The following EXOSC10 variants were observed in gnomAD, a reference collection of about 807,000 sequenced individuals.
EXOSC10 encodes exosome component 10, also known as exosome complex component 10.
A neutral mutation model predicts 126.6 loss-of-function variants in EXOSC10; 94 were observed. The ratio of observed to expected loss-of-function variants is 0.74; its 90% CI spans 0.63 to 0.88. EXOSC10 has a LOEUF of 0.88. EXOSC10 is among the 40% of genes least tolerant of loss of function. The pLI, the probability that EXOSC10 is intolerant of heterozygous loss-of-function variation, is 0.00. For synonymous variants in EXOSC10, 395 were observed against 400.8 expected (o/e 0.99, Z 0.17); for missense variants, 1,041 against 1,100.5 (o/e 0.95, Z 0.77).
chr1:11,077,286 C>T (rs1003263558), intron 16 of EXOSC10, 79 bp downstream of exon 16: 29 of 1,465,202 alleles, frequency 2.0e-5, no homozygotes, highest in East Asian at 1.1e-4. Flanking sequence ...CCACCACGCC[C>T]GGCCAAGCCT....
Position 11,087,481 on chromosome 1 carries a change from G to T in EXOSC10, c.1056C>A (p.Leu352=). Residue 352 remains leucine, a synonymous_variant, in exon 9 of 25, where the codon CTC becomes CTA. Coordinates refer to ENST00000376936, the MANE Select transcript of EXOSC10 (RefSeq NM_001001998.3). ...TGGCTGGGTCTGTGAGGCTCTCATT[G>T]AGAATGTACATGTCACTTCGAAGCT... ...TLELRSDMYI[L]NESLTDPAIV... The T allele has an allele frequency of 6.2e-7, 1 of 1,614,076 alleles. No homozygotes were observed. The highest frequency in any genetic ancestry group is 1.1e-5 in the South Asian group (1 of 91,082).
At chr1:11,076,503 C>G (rs1247598225) in intron 17 of EXOSC10, among the ~76,000 whole-genome samples, 1 of 152,174 alleles carries the variant, frequency 6.6e-6, no homozygotes, top group Non-Finnish European at 1.5e-5. Context: ...TTTCCTCCAC[C>G]ACCACTGCAG....
At chr1:11,069,754 G>A in intron 21 of EXOSC10, 24 bp from the exon 22 acceptor site, 3 of 1,610,434 alleles carry the variant, frequency 1.9e-6, no homozygotes, top group Non-Finnish European at 2.5e-6. Context: ...ACAGATGTGG[G>A]GGAGGAACAG....
chr1:11,082,395 A>C, intron 10 of EXOSC10: 6 of 475,896 alleles, frequency 1.3e-5, no homozygotes, highest in South Asian at 8.1e-5. Flanking sequence ...ATCTGGTAGA[A>C]AGATCCCAGT....
At chr1:11,089,638 A>G (rs1185727152) in intron 6 of EXOSC10, among the ~76,000 whole-genome samples, 2 of 147,396 alleles carry the variant, frequency 1.4e-5, no homozygotes, top group African/African-American at 2.6e-5. Flanking sequence ...AAAAAAAAAG[A>G]AAGAAAGAAA....
chr1:11,070,638 A>ATACCT, intron 21 of EXOSC10: 2 of 439,548 alleles, frequency 4.6e-6, no homozygotes, highest in Non-Finnish European at 4.0e-6. Context: ...TGTAACCTCA[A>ATACCT]TACCTTTTCT....
intron 19 of EXOSC10, chr1:11,072,561 GTTTC>G (rs749327768): frequency 3.9e-5 from 7 of 177,852 alleles, no homozygotes; most frequent in African/African-American, 7.1e-5. Context: ...AGTCTGCTGT[GTTTC>G]TTTATGACAC....
chr1:11,069,244 T>TGTGTGTGTGTGTGAGAGAGAGAGAGAGA lies in EXOSC10; in HGVS notation c.2488+314_2488+315insTCTCTCTCTCTCTCTCACACACACACAC. 7.8e-3 allele frequency among the ~76,000 whole-genome samples: 905 copies of TGTGTGTGTGTGTGAGAGAGAGAGAGAGA among 116,742 alleles called. 19 individuals are homozygous for TGTGTGTGTGTGTGAGAGAGAGAGAGAGA. The highest frequency in any genetic ancestry group is 0.046 in the South Asian group (149 of 3,214). 76.6% of individuals were successfully genotyped at this position (116,742 alleles called of 152,430 possible). ...ACAAAATTCTGTGTGTGTGTGTGTGTGAGAGAGAGAGAGAGGGTTTATGGG... is the reference window on the plus strand; with the variant it reads ...ACAAAATTCTGTGTGTGTGTGTGTGTGTGTGTGTGTGTGAGAGAGAGAGAGAGAGAGAGAGAGAGAGAGGGTTTATGGG... On this transcript the variant is annotated intron_variant, in intron 22 of 24. Transcript: ENST00000376936.
At chr1:11,098,489 TCTC>T (rs775433213) in intron 1 of EXOSC10, among the ~76,000 whole-genome samples, 12 of 152,324 alleles carry the variant, frequency 7.9e-5, no homozygotes, top group African/African-American at 2.6e-4. Flanking sequence ...ACTTTAGTGT[TCTC>T]CTCTGAGAAA....
chr1:11,074,307 C>T lies in EXOSC10; in HGVS notation c.2006G>A (p.Ser669Asn), dbSNP rs766344461. 6.2e-7 allele frequency: 1 copy of T among 1,614,022 alleles called. No individual in the cohort carries two copies. The highest frequency in any genetic ancestry group is 8.5e-7 in the Non-Finnish European group (1 of 1,179,878). The part of the protein sequence containing the change: ...TLFNEPSAED[S>N]KKGPLTVAQK... ...TGCAACTGTCAATGGACCCTTTTTA[C>T]TGTCTTCAGCACTAGGTTCCTGCAG... Residue 669 changes from serine to asparagine, a missense_variant, in exon 18 of 25, where the codon AGT (serine) becomes AAT (asparagine). Physicochemically the swap from Ser to Asn is conservative, Grantham distance 46. Transcript: ENST00000376936.
chr1:11,095,310 T>A (rs1033905255), intron 3 of EXOSC10: 4 of 151,988 alleles, frequency 2.6e-5, no homozygotes, highest in Admixed American at 2.0e-4. Flanking sequence ...TAGAAGGGAA[T>A]GTTATTATAA....
intron 14 of EXOSC10, among the ~76,000 whole-genome samples, chr1:11,078,221 C>T (rs1448642812): frequency 6.6e-6 from 1 of 151,906 alleles, no homozygotes; most frequent in Non-Finnish European, 1.5e-5. Flanking sequence ...GCCATGATTG[C>T]ACCACTGCAC....
intron 3 of EXOSC10, among the ~76,000 whole-genome samples, chr1:11,092,597 A>G (rs1640867955): frequency 6.9e-6 from 1 of 145,850 alleles, no homozygotes. Context: ...AGCTTGCTGC[A>G]GTCTTCGCCT....
chr1:11,067,655 T>C (rs1176880803), intron 24 of EXOSC10, among the ~76,000 whole-genome samples: 1 of 152,116 alleles, frequency 6.6e-6, no homozygotes, highest in South Asian at 2.1e-4. Context: ...ATAACCCACA[T>C]GTGCTTACTT....
intron 19 of EXOSC10, among the ~76,000 whole-genome samples, chr1:11,073,501 CTTTTGCATTCATTT>C: frequency 6.6e-6 from 1 of 152,300 alleles, no homozygotes. Context: ...AAATAAAGGG[CTTTTGCATTCATTT>C]TCACGGGATT....
Position 11,068,705 on chromosome 1 carries a change from TC to T in EXOSC10, c.2489del (p.Gly830GlufsTer?). 1 of 1,613,938 alleles carries T rather than the reference TC, an allele frequency of 6.2e-7. No individual in the cohort carries two copies. The highest frequency in any genetic ancestry group is 1.1e-5 in the South Asian group (1 of 91,082). ...YSQSDFKAFAGNSKSKVSSQF... is the reference protein window; with the variant it reads ...YSQSDFKAFAXNSKSKVSSQF... Reference sequence around the variant, plus strand: ...GAGAAGAAACTTTGGATTTGCTGTTTCCTGAAAGGTAAGAGATGAGAGAGAC... The same window carrying T: ...GAGAAGAAACTTTGGATTTGCTGTTTCTGAAAGGTAAGAGATGAGAGAGAC... On this transcript the variant is annotated frameshift_variant and splice_region_variant, in exon 23 of 25. Coordinates refer to ENST00000376936, the MANE Select transcript of EXOSC10 (RefSeq NM_001001998.3). LOFTEE classifies it high-confidence loss of function.
chr1:11,066,778 T>C, intron 24 of EXOSC10, 30 bp from the exon 25 acceptor site: 3 of 1,613,450 alleles, frequency 1.9e-6, no homozygotes, highest in Non-Finnish European at 2.5e-6. Context: ...AACAGTTATT[T>C]CTTCCGGGCT....
At chr1:11,072,204 C>G in intron 19 of EXOSC10, 33 bp from the exon 20 acceptor site, 1 of 1,554,466 alleles carries the variant, frequency 6.4e-7, no homozygotes, top group Non-Finnish European at 8.8e-7. Context: ...AAAAAAAACC[C>G]TCCAAAGTCA....
intron 24 of EXOSC10, 105 bp from the exon 25 acceptor site, chr1:11,066,853 A>C: frequency 7.0e-7 from 1 of 1,426,914 alleles, no homozygotes; most frequent in African/African-American, 1.4e-5. Flanking sequence ...CAGAGGAAGA[A>C]TGGTTTGCTC....
Sources: gnomAD v4.1 joint callset for allele counts (sites outside exome capture counted in the v4.1 genomes callset) on GRCh38, gnomAD v4.1.1 for gene constraint, MANE v1.5 for transcripts, NCBI Gene and HGNC (gene_info 2026-07-23, HGNC 2026-07-21) for gene names.